The following VWC2L variants were observed in gnomAD, a reference collection of about 807,000 sequenced individuals.
VWC2L encodes von Willebrand factor C domain containing 2 like.
Under a neutral mutation model 21.6 loss-of-function variants are expected in VWC2L, and 10 were observed. That is an observed-to-expected ratio of 0.46 (90% CI 0.29 to 0.78). VWC2L has a LOEUF of 0.78. Ranked by LOEUF, VWC2L falls within the 30% of genes least tolerant of loss-of-function variation. The pLI is 0.10. For missense variants in VWC2L, 209 were observed against 277.1 expected, an observed-to-expected ratio of 0.75 and a Z score of 1.74; for synonymous variants, 96 against 94.3, an observed-to-expected ratio of 1.02 and a Z score of -0.10.
At chr2:214,453,607 T>A (rs576112750) in intron 3 of VWC2L, among the ~76,000 whole-genome samples, 1 of 152,352 alleles carries the variant, frequency 6.6e-6, no homozygotes, top group African/African-American at 2.4e-5. Context: ...AATTCATGAA[T>A]ATGGTATGTC....
At chr2:214,463,498 C>A (rs903131568) in intron 3 of VWC2L, among the ~76,000 whole-genome samples, 3 of 151,942 alleles carry the variant, frequency 2.0e-5, no homozygotes, top group South Asian at 2.1e-4. Flanking sequence ...ATAGTTGGGT[C>A]TTTCTTTTTA....
intron 2 of VWC2L, among the ~76,000 whole-genome samples, chr2:214,431,771 T>C (rs1236322469): frequency 6.6e-6 from 1 of 152,218 alleles, no homozygotes; most frequent in African/African-American, 2.4e-5. Context: ...ATACACATTA[T>C]AAAATGAGAC....
At chr2:214,463,836 C>T (rs948601769) in intron 3 of VWC2L, among the ~76,000 whole-genome samples, 3 of 152,000 alleles carry the variant, frequency 2.0e-5, no homozygotes, top group African/African-American at 7.2e-5. Context: ...AGGCATGCTT[C>T]ATTTTTTATT....
intron 3 of VWC2L, among the ~76,000 whole-genome samples, chr2:214,526,472 T>C (rs1689339809): frequency 6.6e-6 from 1 of 152,186 alleles, no homozygotes; most frequent in Non-Finnish European, 1.5e-5. Context: ...AATTACAACC[T>C]GAGGTATTTA....
chr2:214,486,479 C>A (rs1688674369), intron 3 of VWC2L, among the ~76,000 whole-genome samples: 1 of 152,100 alleles, frequency 6.6e-6, no homozygotes, highest in South Asian at 2.1e-4. Flanking sequence ...AGACTATCTT[C>A]TTTATCTAGC....
intron 3 of VWC2L, among the ~76,000 whole-genome samples, chr2:214,522,361 C>A (rs369287127): frequency 8.3e-6 from 1 of 120,138 alleles, no homozygotes; most frequent in Non-Finnish European, 1.6e-5. Context: ...GGGGACAGAG[C>A]GAGACCCCGT....
At chr2:214,559,896 C>G (rs1689939731) in intron 3 of VWC2L, among the ~76,000 whole-genome samples, 1 of 152,166 alleles carries the variant, frequency 6.6e-6, no homozygotes, top group African/African-American at 2.4e-5. Context: ...CCACTGAGCC[C>G]AGCCTAATTT....
At chr2:214,517,130 G>T (rs760464925) in intron 3 of VWC2L, among the ~76,000 whole-genome samples, 1 of 152,130 alleles carries the variant, frequency 6.6e-6, no homozygotes, top group Non-Finnish European at 1.5e-5. Flanking sequence ...TTCTAAATTC[G>T]TTGTTCTAAT....
chr2:214,472,425 T>G (rs1703323417), intron 3 of VWC2L, among the ~76,000 whole-genome samples: 1 of 152,240 alleles, frequency 6.6e-6, no homozygotes. Flanking sequence ...TAGAAATATT[T>G]TTTTAAAATG....
intron 3 of VWC2L, among the ~76,000 whole-genome samples, chr2:214,540,033 CT>C (rs1198422326): frequency 6.6e-6 from 1 of 151,910 alleles, no homozygotes; most frequent in African/African-American, 2.4e-5. Flanking sequence ...CCAAGAAAAC[CT>C]AGTTGGAATT....
intron 3 of VWC2L, among the ~76,000 whole-genome samples, chr2:214,492,670 A>T (rs1688760920): frequency 6.6e-6 from 1 of 152,244 alleles, no homozygotes; most frequent in African/African-American, 2.4e-5. Flanking sequence ...AGGAATTTTT[A>T]ATTTAAAGGA....
chr2:214,423,742 A>G (rs1437148392), intron 2 of VWC2L, among the ~76,000 whole-genome samples: 1 of 152,156 alleles, frequency 6.6e-6, no homozygotes, highest in Admixed American at 6.5e-5. Flanking sequence ...CAGAAAAATT[A>G]TGTAATTAAA....
At chr2:214,474,122 A>G (rs1013838680) in intron 3 of VWC2L, among the ~76,000 whole-genome samples, 9 of 152,186 alleles carry the variant, frequency 5.9e-5, no homozygotes, top group African/African-American at 2.2e-4. Flanking sequence ...TTTCCAATAA[A>G]ATTATTTTTA....
intron 3 of VWC2L, among the ~76,000 whole-genome samples, chr2:214,545,910 T>C (rs149882556): frequency 0.016 from 2,479 of 152,284 alleles, 57 homozygotes; most frequent in African/African-American, 0.054. Context: ...TTTTACACAC[T>C]ACATCTAGCA....
chr2:214,412,812 T>C (rs891238738), intron 1 of VWC2L, among the ~76,000 whole-genome samples: 3 of 152,106 alleles, frequency 2.0e-5, no homozygotes, highest in African/African-American at 4.8e-5. Context: ...TTGCTCTTAA[T>C]ATAATCTGAA....
chr2:214,482,095 G>T (rs74871496), intron 3 of VWC2L, among the ~76,000 whole-genome samples: 1 of 152,010 alleles, frequency 6.6e-6, no homozygotes, highest in Non-Finnish European at 1.5e-5. Flanking sequence ...AAAAATATAC[G>T]AAAATAAATG....
At chr2:214,484,825 T>G (rs1688654089) in intron 3 of VWC2L, among the ~76,000 whole-genome samples, 1 of 152,248 alleles carries the variant, frequency 6.6e-6, no homozygotes, top group Non-Finnish European at 1.5e-5. Context: ...GCAAGCTAAA[T>G]GTTCTCACAA....
At chr2:214,469,581 G>A (rs954097307) in intron 3 of VWC2L, among the ~76,000 whole-genome samples, 1 of 150,602 alleles carries the variant, frequency 6.6e-6, no homozygotes, top group African/African-American at 2.4e-5. Context: ...GGCGACAGAG[G>A]GAGACTCTGT....
At chr2:214,489,870 T>G (rs1688722143) in intron 3 of VWC2L, among the ~76,000 whole-genome samples, 1 of 152,198 alleles carries the variant, frequency 6.6e-6, no homozygotes, top group Admixed American at 6.6e-5. Context: ...CTTGGCCGTG[T>G]CCAGCACTGG....
Sources: gnomAD v4.1 joint callset for allele counts (sites outside exome capture counted in the v4.1 genomes callset) on GRCh38, gnomAD v4.1.1 for gene constraint, MANE v1.5 for transcripts, NCBI Gene and HGNC (gene_info 2026-07-23, HGNC 2026-07-21) for gene names.